The following PHF3 variants were observed in gnomAD, a reference collection of about 807,000 sequenced individuals.
PHF3 encodes PHD finger protein 3.
PHF3 carries 41 observed loss-of-function variants against 178.4 expected under a neutral mutation model. That is an observed-to-expected ratio of 0.23 (90% CI 0.18 to 0.30). The LOEUF (loss-of-function observed/expected upper bound fraction) is 0.30, where lower values mean the gene tolerates loss of function less well. Ranked by LOEUF, PHF3 falls within the 10% of genes least tolerant of loss-of-function variation. The probability of loss-of-function intolerance (pLI) is 1.00; values close to 1 mark genes in which losing one functional copy is unlikely to be tolerated. For missense variants in PHF3, 2,346 were observed against 2,398.1 expected (o/e 0.98, Z 0.45); for synonymous variants, 842 against 800.5 (o/e 1.05, Z -0.88).
rs746958258 is a variant in PHF3, at chr6:63,698,484, A to G, written c.2861A>G (p.Lys954Arg). Residue 954 changes from lysine (K) to arginine (R), a missense_variant, in exon 8 of 16, where the codon AAG (lysine) becomes AGG (arginine). Physicochemically the swap from Lys to Arg is conservative, Grantham distance 26. Coordinates refer to ENST00000262043, the MANE Select transcript of PHF3 (RefSeq NM_001370348.2). ...TCAAATTTGAAGGTACCAGAGGAAA[A>G]GGCAGCAAAAGTTGCCACAAAAATT... Reference protein sequence around the residue: ...TDSNLKVPEEKAAKVATKIEK... With the variant: ...TDSNLKVPEERAAKVATKIEK... 5 of 1,601,860 alleles carry G rather than the reference A, an allele frequency of 3.1e-6. No individual in the cohort carries two copies. The African/African-American group carries it at 6.7e-5, about 22-fold the overall frequency.
chr6:63,694,980 C>T lies in PHF3; in HGVS notation c.2680+216C>T, dbSNP rs913020789. Among the ~76,000 whole-genome samples the T allele has an allele frequency of 3.3e-5, 5 of 152,218 alleles. 1 individual carries two copies. The highest frequency in any genetic ancestry group is 2.0e-4 in the Admixed American group (3 of 15,284). On this transcript the variant is annotated intron_variant, in intron 6 of 15. Transcript: ENST00000262043. ...GCGCTAGTGAAATTAAGATAAGACC[C>T]CTCTTCTCATGGCACTTAAATACTA...
At chr6:63,677,096 GTTTA>G (rs1766201787) in intron 2 of PHF3, among the ~76,000 whole-genome samples, 1 of 152,054 alleles carries the variant, frequency 6.6e-6, no homozygotes, top group Admixed American at 6.6e-5. Context: ...TAGAATCAGT[GTTTA>G]TTTTTGGTAT....
chr6:63,699,084 G>T (rs1332877122), intron 8 of PHF3, among the ~76,000 whole-genome samples: 1 of 152,068 alleles, frequency 6.6e-6, no homozygotes, highest in Non-Finnish European at 1.5e-5. Flanking sequence ...TATAACTTTA[G>T]TTCCAAGTAT....
intron 2 of PHF3, among the ~76,000 whole-genome samples, chr6:63,662,745 T>C (rs1422016158): frequency 6.6e-6 from 1 of 152,254 alleles, no homozygotes; most frequent in African/African-American, 2.4e-5. Flanking sequence ...TTATCAAATA[T>C]GTGCTTACAT....
chr6:63,710,920 A>G (rs994255756), intron 14 of PHF3, among the ~76,000 whole-genome samples: 1 of 152,094 alleles, frequency 6.6e-6, no homozygotes, highest in Non-Finnish European at 1.5e-5. Flanking sequence ...TCACCTTTGG[A>G]CTCCATTTCT....
chr6:63,682,494 A>G (rs1766482463), intron 3 of PHF3, among the ~76,000 whole-genome samples: 1 of 152,124 alleles, frequency 6.6e-6, no homozygotes, highest in Non-Finnish European at 1.5e-5. Context: ...TTTTCAAAAA[A>G]TGTCCCGCTG....
chr6:63,680,955 A>G (rs1561961292), intron 3 of PHF3, among the ~76,000 whole-genome samples: 1 of 151,842 alleles, frequency 6.6e-6, no homozygotes, highest in Non-Finnish European at 1.5e-5. Flanking sequence ...TCTGGATTCA[A>G]TTTTTTTATT....
chr6:63,712,155 ATAAAAG>A lies in PHF3; in HGVS notation c.4569_4574del (p.Lys1526_Val1527del). The A allele has an allele frequency of 1.9e-6, 3 of 1,613,608 alleles. No homozygotes were observed. Among genetic ancestry groups the A allele is most frequent in the African/African-American group, 2.7e-5 (2 of 75,014 alleles). The stretch of plus-strand genomic sequence containing the variant: ...AGTAACTGATGGTGAAAACAAGGAG[ATAAAAG>A]TTAAAGTAGATAATATTTCAGAATC... On this transcript the variant is annotated inframe_deletion, in exon 16 of 16. Transcript: ENST00000262043.
At position 63,717,652 on chromosome 6, in the gene PHF3, G is replaced by T. The variant is rs185803704; in HGVS notation, c.*3944G>T. On this transcript the variant is annotated 3_prime_UTR_variant, in exon 16 of 16. Coordinates refer to ENST00000262043, the MANE Select transcript of PHF3 (RefSeq NM_001370348.2). The stretch of plus-strand genomic sequence containing the variant: ...TAGATGCAGAGCAGAGTCATTGAGG[G>T]AAATAGCCTAAGCACTCAAAGGGCA... Among the ~76,000 whole-genome samples the T allele has an allele frequency of 2.6e-5, 4 of 151,950 alleles. No individual in the cohort carries two copies. The East Asian group carries it at 7.7e-4, about 29-fold the overall frequency.
chr6:63,637,783 A>T (rs1250591170), intron 1 of PHF3, among the ~76,000 whole-genome samples: 1 of 152,162 alleles, frequency 6.6e-6, no homozygotes, highest in African/African-American at 2.4e-5. Context: ...GGCTACTTTT[A>T]TGTAAAAAGA....
At chr6:63,654,403 C>A (rs1349607305) in intron 2 of PHF3, among the ~76,000 whole-genome samples, 1 of 152,058 alleles carries the variant, frequency 6.6e-6, no homozygotes, top group Non-Finnish European at 1.5e-5. Context: ...AACTGATGAA[C>A]CTTGTAAGCA....
At chr6:63,687,814 T>G (rs1561967608) in intron 4 of PHF3, among the ~76,000 whole-genome samples, 1 of 152,224 alleles carries the variant, frequency 6.6e-6, no homozygotes, top group South Asian at 2.1e-4. Context: ...TGCCACCTTT[T>G]GGATCTACTG....
At chr6:63,650,168 C>T (rs540418720) in intron 2 of PHF3, among the ~76,000 whole-genome samples, 2 of 152,300 alleles carry the variant, frequency 1.3e-5, no homozygotes, top group African/African-American at 4.8e-5. Context: ...AACAGACATA[C>T]TGTAGAAACA....
chr6:63,706,361 G>C (rs1767692740), intron 12 of PHF3, 137 bp downstream of exon 12: 1 of 642,816 alleles, frequency 1.6e-6, no homozygotes, highest in Non-Finnish European at 2.6e-6. Flanking sequence ...CCTGTACTTT[G>C]AGATAAAACA....
At chr6:63,688,378 AG>A (rs34552286) in intron 4 of PHF3, among the ~76,000 whole-genome samples, 100,163 of 100,992 alleles carry the variant, frequency 0.99, 49,674 homozygotes, top group East Asian at 1. Context: ...ACTGTTGCCC[AG>A]GGGTGGAGAG....
At position 63,684,109 on chromosome 6, in the gene PHF3, A is replaced by AT. The variant is rs748024153; in HGVS notation, c.407-14dup. On this transcript the variant is annotated intron_variant, in intron 3 of 15. Transcript: ENST00000262043. ...ACAAAATAGCTAAGTATTTTTATTT[A>AT]TTTTTTCCCCCTGTGATAGAACAAG... 2.6e-6 allele frequency: 4 copies of AT among 1,532,068 alleles called. No individual in the cohort carries two copies. Among genetic ancestry groups the AT allele is most frequent in the East Asian group, 4.5e-5 (2 of 44,356 alleles). The allele number at this position is 1,532,068 out of a possible 1,614,324, so 94.9% of individuals were successfully genotyped here.
At chr6:63,651,523 A>G (rs1436129409) in intron 2 of PHF3, among the ~76,000 whole-genome samples, 2 of 151,982 alleles carry the variant, frequency 1.3e-5, no homozygotes, top group African/African-American at 4.8e-5. Flanking sequence ...CACCATGCCC[A>G]GCTAGTTTTT....
rs1767316387 is a variant in PHF3, at chr6:63,698,218, AT to A, written c.2681-3del. The A allele has an allele frequency of 6.2e-7, 1 of 1,601,100 alleles. No individual in the cohort carries two copies. Among genetic ancestry groups the A allele is most frequent in the Non-Finnish European group, 8.5e-7 (1 of 1,172,050 alleles). The stretch of plus-strand genomic sequence containing the variant: ...GTAATGAGTTTCGATATTTATTCAA[AT>A]TAGGTACTCATGAGAAGCAAGAGAT... On this transcript the variant is annotated splice_region_variant and splice_polypyrimidine_tract_variant and intron_variant, in intron 6 of 15. Coordinates refer to ENST00000262043, the MANE Select transcript of PHF3 (RefSeq NM_001370348.2).
Position 63,720,930 on chromosome 6 carries a change from T to G in PHF3, c.*7222T>G, listed in dbSNP as rs779289332. The stretch of plus-strand genomic sequence containing the variant: ...ATTACAACAGAATGTGCCATTGTTA[T>G]AGCTCATAGGCACAGAGATTCTTTC... On this transcript the variant is annotated 3_prime_UTR_variant, in exon 16 of 16. Transcript: ENST00000262043. 28 of 1,551,186 alleles carry G rather than the reference T, an allele frequency of 1.8e-5. No individual in the cohort carries two copies. The highest frequency in any genetic ancestry group is 2.4e-5 in the Non-Finnish European group (28 of 1,146,750).
Sources: allele counts gnomAD v4.1 joint callset (sites outside exome capture counted in the v4.1 genomes callset), GRCh38; gene constraint gnomAD v4.1.1; transcripts MANE v1.5; gene names NCBI Gene and HGNC (gene_info 2026-07-23, HGNC 2026-07-21).